Variants in LIMD1 observed in about 807,000 individuals in gnomAD.
LIMD1 encodes the protein LIM domain containing 1, also known as LIM domain-containing protein 1.
A neutral mutation model predicts 58.4 loss-of-function variants in LIMD1; 23 were observed. The ratio of observed to expected loss-of-function variants is 0.39; its 90% CI spans 0.28 to 0.56. The LOEUF (loss-of-function observed/expected upper bound fraction) is 0.56, where lower values mean the gene tolerates loss of function less well. Among genes scored for constraint, LIMD1 ranks in the 20% least tolerant of loss-of-function variants. The pLI is 0.57. For missense variants in LIMD1, 838 were observed against 855.5 expected, an observed-to-expected ratio of 0.98 and a Z score of 0.25; for synonymous variants, 334 against 345.5, an observed-to-expected ratio of 0.97 and a Z score of 0.37.
chr3:45,637,592 G>T (rs1161577884), intron 2 of LIMD1, among the ~76,000 whole-genome samples: 1 of 152,176 alleles, frequency 6.6e-6, no homozygotes, highest in Admixed American at 6.5e-5. Context: ...TGGGGCAAGT[G>T]TATTTTTTCA....
intron 2 of LIMD1, among the ~76,000 whole-genome samples, chr3:45,654,279 A>G (rs1285496105): frequency 6.6e-6 from 1 of 152,172 alleles, no homozygotes; most frequent in Non-Finnish European, 1.5e-5. Context: ...CTTCTCAGGG[A>G]GATATTTTGG....
At chr3:45,654,349 A>G (rs1038198851) in intron 2 of LIMD1, among the ~76,000 whole-genome samples, 1 of 152,326 alleles carries the variant, frequency 6.6e-6, no homozygotes, top group Non-Finnish European at 1.5e-5. Flanking sequence ...AGAATAGGTT[A>G]TAGCTTATTT....
chr3:45,608,576 A>G (rs541511152), intron 1 of LIMD1, among the ~76,000 whole-genome samples: 1 of 152,324 alleles, frequency 6.6e-6, no homozygotes, highest in South Asian at 2.1e-4. Flanking sequence ...CACGTGGCTC[A>G]CACCTATAAT....
intron 1 of LIMD1, among the ~76,000 whole-genome samples, chr3:45,599,334 C>T (rs28377271): frequency 1.1e-4 from 16 of 152,092 alleles, no homozygotes; most frequent in Non-Finnish European, 8.8e-5. Flanking sequence ...CTGTTTCCCC[C>T]ATCCCCTCCC....
At chr3:45,672,544 T>A in intron 4 of LIMD1, 146 bp from the exon 5 acceptor site, 1 of 846,442 alleles carries the variant, frequency 1.2e-6, no homozygotes, top group South Asian at 1.6e-5. Context: ...CCCCATCACC[T>A]CTTGCTCTTC....
At chr3:45,645,257 T>A (rs1362742325) in intron 2 of LIMD1, among the ~76,000 whole-genome samples, 1 of 152,076 alleles carries the variant, frequency 6.6e-6, no homozygotes, top group Non-Finnish European at 1.5e-5. Context: ...TGCACTGGAG[T>A]TGGGGCCAAA....
In LIMD1 at chr3:45,645,608, C is replaced by T. The variant is rs1406939995; in HGVS notation, c.1510+9357C>T. ...CTCCAGTACGCCAGGAGCATCACAC[C>T]GTAATTAGCAGGAAGATGTTGCACC... is the stretch of plus-strand genomic sequence containing the variant. On this transcript the variant is annotated intron_variant, in intron 2 of 7. Coordinates refer to ENST00000273317, the MANE Select transcript of LIMD1 (RefSeq NM_014240.3). Among the ~76,000 whole-genome samples the T allele has an allele frequency of 3.3e-5, 5 of 152,124 alleles. No homozygotes were observed. The South Asian group carries it at 8.3e-4, about 25-fold the overall frequency.
chr3:45,636,509 A>T lies in LIMD1; in HGVS notation c.1510+258A>T, dbSNP rs116329537. Among the ~76,000 whole-genome samples, 927 of 152,280 alleles carry T rather than the reference A, an allele frequency of 6.1e-3. 8 individuals are homozygous for T. The highest frequency in any genetic ancestry group is 0.021 in the African/African-American group (877 of 41,530). On this transcript the variant is annotated intron_variant, in intron 2 of 7. Coordinates refer to ENST00000273317, the MANE Select transcript of LIMD1 (RefSeq NM_014240.3). Reference sequence around the variant, plus strand: ...TTGAATGAGTTCAGAGTGATCCCTAATCACATCAGGTTTGAAATATGTAAG... The same window carrying T: ...TTGAATGAGTTCAGAGTGATCCCTATTCACATCAGGTTTGAAATATGTAAG...
intron 1 of LIMD1, among the ~76,000 whole-genome samples, chr3:45,615,230 A>G (rs1181945171): frequency 2.6e-5 from 4 of 152,202 alleles, no homozygotes; most frequent in African/African-American, 9.7e-5. Context: ...TTATGTGGGG[A>G]GGCTAAAGGA....
chr3:45,633,345 C>A (rs1291387897), intron 1 of LIMD1, among the ~76,000 whole-genome samples: 1 of 152,132 alleles, frequency 6.6e-6, no homozygotes, highest in East Asian at 1.9e-4. Context: ...TTACATAGAT[C>A]ATTTGTCAAA....
intron 5 of LIMD1, among the ~76,000 whole-genome samples, 163 bp from the exon 6 acceptor site, chr3:45,673,291 C>G (rs1697618855): frequency 6.6e-6 from 1 of 152,150 alleles, no homozygotes; most frequent in Non-Finnish European, 1.5e-5. Flanking sequence ...AATACTAAGG[C>G]ATATTCCACA....
intron 1 of LIMD1, among the ~76,000 whole-genome samples, chr3:45,630,871 T>C (rs1386272413): frequency 1.3e-5 from 2 of 152,148 alleles, no homozygotes; most frequent in Non-Finnish European, 2.9e-5. Flanking sequence ...GAACTTGGGT[T>C]TTAGACAGGA....
At chr3:45,673,886 CA>C (rs753659549) in intron 6 of LIMD1, 2,877 of 190,576 alleles carry the variant, frequency 0.015, no homozygotes, top group South Asian at 0.033. Context: ...ACCTTGTCTC[CA>C]AAAAAAAAAA....
At chr3:45,622,798 A>T (rs1701638762) in intron 1 of LIMD1, among the ~76,000 whole-genome samples, 1 of 151,826 alleles carries the variant, frequency 6.6e-6, no homozygotes. Flanking sequence ...CCTCCCAAGT[A>T]GCTGGGACTA....
At chr3:45,629,360 C>T (rs1439988470) in intron 1 of LIMD1, among the ~76,000 whole-genome samples, 7 of 145,248 alleles carry the variant, frequency 4.8e-5, no homozygotes, top group African/African-American at 1.3e-4. Context: ...TTGTAGTGAG[C>T]TGAGATCACG....
At chr3:45,633,431 T>C (rs1020286927) in intron 1 of LIMD1, among the ~76,000 whole-genome samples, 16 of 152,150 alleles carry the variant, frequency 1.1e-4, no homozygotes, top group Non-Finnish European at 2.4e-4. Flanking sequence ...CCTAAGCAAA[T>C]AAATGATGAA....
At position 45,684,795 on chromosome 3, in the gene LIMD1, C is replaced by T. The variant is rs148955003; in HGVS notation, c.*7736C>T. 180 of 152,214 alleles carry T rather than the reference C, an allele frequency of 1.2e-3. 2 individuals carry two copies. The highest frequency in any genetic ancestry group is 6.8e-3 in the Middle Eastern group (2 of 294). The allele number at this position is 152,214 out of a possible 1,614,324, so 9.4% of individuals were successfully genotyped here. A position where few individuals can be genotyped will look rare whatever the true frequency, so the allele number is the denominator to read the frequency against. On this transcript the variant is annotated 3_prime_UTR_variant, in exon 8 of 8. Coordinates refer to ENST00000273317, the MANE Select transcript of LIMD1 (RefSeq NM_014240.3). ...CACATGGCAACAAACAGAAGGGAGG[C>T]GAAATCTTCCATATTGGATGCACCT...
intron 2 of LIMD1, among the ~76,000 whole-genome samples, chr3:45,645,739 C>T (rs1701898623): frequency 6.6e-6 from 1 of 152,158 alleles, no homozygotes; most frequent in Non-Finnish European, 1.5e-5. Flanking sequence ...TTCTGTGGCC[C>T]TCTCATCTCA....
At chr3:45,603,347 C>T (rs1042366188) in intron 1 of LIMD1, among the ~76,000 whole-genome samples, 1 of 152,110 alleles carries the variant, frequency 6.6e-6, no homozygotes, top group Non-Finnish European at 1.5e-5. Context: ...TAACCAGCCT[C>T]CTCCCATATC....
Sources: gnomAD v4.1 joint callset for allele counts (sites outside exome capture counted in the v4.1 genomes callset) on GRCh38, gnomAD v4.1.1 for gene constraint, MANE v1.5 for transcripts, NCBI Gene and HGNC (gene_info 2026-07-23, HGNC 2026-07-21) for gene names.